The following DPP10 variants were observed in gnomAD, a reference collection of about 807,000 sequenced individuals.
The protein encoded by DPP10 is inactive dipeptidyl peptidase 10.
Under a neutral mutation model 120.9 loss-of-function variants are expected in DPP10, and 33 were observed. The ratio of observed to expected loss-of-function variants is 0.27; its 90% CI spans 0.21 to 0.37. The LOEUF (loss-of-function observed/expected upper bound fraction) is 0.37, where lower values mean the gene tolerates loss of function less well. Among genes scored for constraint, DPP10 ranks in the 10% least tolerant of loss-of-function variants. The pLI, the probability that DPP10 is intolerant of heterozygous loss-of-function variation, is 1.00. For missense variants in DPP10, 816 were observed against 942.8 expected, an observed-to-expected ratio of 0.87 and a Z score of 1.76; for synonymous variants, 337 against 326.1, an observed-to-expected ratio of 1.03 and a Z score of -0.36.
At chr2:114,823,698 A>T (rs1686291912) in intron 1 of DPP10, among the ~76,000 whole-genome samples, 1 of 152,228 alleles carries the variant, frequency 6.6e-6, no homozygotes, top group Admixed American at 6.5e-5. Flanking sequence ...GGAACAGTGG[A>T]AGGAAACAGT....
chr2:115,486,492 A>G (rs1034491794), intron 3 of DPP10, among the ~76,000 whole-genome samples: 4 of 152,160 alleles, frequency 2.6e-5, no homozygotes, highest in Non-Finnish European at 5.9e-5. Flanking sequence ...AAACACATCA[A>G]TCTTTATATT....
intron 1 of DPP10, among the ~76,000 whole-genome samples, chr2:114,772,853 T>A (rs1476936327): frequency 6.6e-6 from 1 of 152,128 alleles, no homozygotes; most frequent in Non-Finnish European, 1.5e-5. Context: ...GAGCTTCCAT[T>A]TATGTTCCAG....
chr2:115,447,360 T>G (rs1431075517), intron 3 of DPP10, among the ~76,000 whole-genome samples: 1 of 152,212 alleles, frequency 6.6e-6, no homozygotes, highest in Non-Finnish European at 1.5e-5. Flanking sequence ...GATGAGACTT[T>G]GGATTTCAGA....
chr2:115,526,056 C>A, intron 5 of DPP10, 84 bp downstream of exon 5: 3 of 1,133,960 alleles, frequency 2.6e-6, no homozygotes, highest in African/African-American at 1.6e-5. Flanking sequence ...CTATAACTCA[C>A]CTAAGCAAAA....
intron 1 of DPP10, among the ~76,000 whole-genome samples, chr2:114,524,197 G>C (rs1685305153): frequency 6.6e-6 from 1 of 152,222 alleles, no homozygotes. Context: ...TGACATTTGT[G>C]CTTTAGCAAT....
At chr2:115,639,260 G>A (rs942224634) in intron 5 of DPP10, among the ~76,000 whole-genome samples, 8 of 152,140 alleles carry the variant, frequency 5.3e-5, no homozygotes, top group Non-Finnish European at 8.8e-5. Flanking sequence ...CTCACTGAAC[G>A]TCTCTCTTCT....
At chr2:114,453,527 C>T (rs1678400876) in intron 1 of DPP10, among the ~76,000 whole-genome samples, 1 of 152,154 alleles carries the variant, frequency 6.6e-6, no homozygotes, top group South Asian at 2.1e-4. Flanking sequence ...ATTATGTCTT[C>T]TCTGCTACAT....
At chr2:115,067,874 A>G (rs1335382582) in intron 1 of DPP10, among the ~76,000 whole-genome samples, 2 of 148,412 alleles carry the variant, frequency 1.3e-5, no homozygotes, top group African/African-American at 5.0e-5. Context: ...AAAAAAAAAA[A>G]AAAAAAGAAA....
intron 12 of DPP10, among the ~76,000 whole-genome samples, chr2:115,767,459 C>T (rs915164077): frequency 1.5e-5 from 2 of 130,498 alleles, no homozygotes; most frequent in African/African-American, 5.8e-5. Flanking sequence ...ATCTCTCTCT[C>T]TCTACATACA....
intron 1 of DPP10, among the ~76,000 whole-genome samples, chr2:115,271,434 T>C (rs191277537): frequency 1.3e-5 from 2 of 152,356 alleles, no homozygotes; most frequent in African/African-American, 4.8e-5. Context: ...AACTGACTTC[T>C]AGAGTCTTTG....
At chr2:115,205,450 A>G (rs2105319658) in intron 1 of DPP10, among the ~76,000 whole-genome samples, 1 of 152,298 alleles carries the variant, frequency 6.6e-6, no homozygotes. Context: ...TAGTTCAGCC[A>G]CAGTGGAAAG....
intron 1 of DPP10, among the ~76,000 whole-genome samples, chr2:114,461,423 A>G (rs1678909809): frequency 6.6e-6 from 1 of 152,180 alleles, no homozygotes; most frequent in African/African-American, 2.4e-5. Context: ...TCACCAGGAG[A>G]GAACAATTTT....
intron 1 of DPP10, among the ~76,000 whole-genome samples, chr2:114,986,074 T>G (rs1700374914): frequency 6.6e-6 from 1 of 152,152 alleles, no homozygotes; most frequent in Non-Finnish European, 1.5e-5. Flanking sequence ...GCACATAATA[T>G]GTGTAACAAC....
Position 114,987,842 on chromosome 2 carries a change from C to T in DPP10, c.61-321397C>T, listed in dbSNP as rs1475188029. The stretch of plus-strand genomic sequence containing the variant: ...ATTTTGAGATGGAGTCTCGCTCTGT[C>T]GCCCAGGCTGGAGGGCAGTGGCTCG... On this transcript the variant is annotated intron_variant, in intron 1 of 25. Coordinates refer to ENST00000410059, the MANE Select transcript of DPP10 (RefSeq NM_020868.6). 6.5e-5 allele frequency among the ~76,000 whole-genome samples: 6 copies of T among 92,348 alleles called. No homozygotes were observed. In the South Asian group the frequency reaches 1.2e-3, roughly 18 times the overall value. The allele number at this position is 92,348 out of a possible 152,430, so 60.6% of individuals were successfully genotyped here. A position where few individuals can be genotyped will look rare whatever the true frequency, so the allele number is the denominator to read the frequency against.
At chr2:115,170,282 A>G (rs190926318) in intron 1 of DPP10, among the ~76,000 whole-genome samples, 169 of 152,346 alleles carry the variant, frequency 1.1e-3, no homozygotes, top group African/African-American at 3.8e-3. Flanking sequence ...GTTTTAAAAC[A>G]AGTACTAGAA....
At chr2:115,111,292 C>A (rs1054131809) in intron 1 of DPP10, among the ~76,000 whole-genome samples, 1 of 150,590 alleles carries the variant, frequency 6.6e-6, no homozygotes, top group Non-Finnish European at 1.5e-5. Context: ...TCATTGGTTT[C>A]CCAGTAAGCA....
chr2:114,811,746 C>G (rs779250154), intron 1 of DPP10, among the ~76,000 whole-genome samples: 21 of 152,196 alleles, frequency 1.4e-4, no homozygotes, highest in Admixed American at 5.9e-4. Context: ...CACGTTCTCT[C>G]TGCTGAGCAG....
At position 114,801,562 on chromosome 2, in the gene DPP10, C is replaced by T. The variant is rs1420039426; in HGVS notation, c.60+358724C>T. 2.0e-5 allele frequency among the ~76,000 whole-genome samples: 3 copies of T among 152,154 alleles called. No homozygotes were observed. In the East Asian group the frequency reaches 5.8e-4, roughly 29 times the overall value. ...ATTTATGAAGTAGGAAGGATAACGTCTGCATCATTGAAGTTTATTGTGAAT... is the reference window on the plus strand; with the variant it reads ...ATTTATGAAGTAGGAAGGATAACGTTTGCATCATTGAAGTTTATTGTGAAT... On this transcript the variant is annotated intron_variant, in intron 1 of 25. Transcript: ENST00000410059.
chr2:115,785,843 T>C (rs1683279975), intron 17 of DPP10, among the ~76,000 whole-genome samples: 1 of 151,700 alleles, frequency 6.6e-6, no homozygotes, highest in African/African-American at 2.4e-5. Flanking sequence ...ATGTGGGTTT[T>C]TTTTTTTTCT....
Sources: allele counts gnomAD v4.1 joint callset (sites outside exome capture counted in the v4.1 genomes callset), GRCh38; gene constraint gnomAD v4.1.1; transcripts MANE v1.5; gene names NCBI Gene and HGNC (gene_info 2026-07-23, HGNC 2026-07-21).